RNF121: variants seen among roughly 807,000 people sequenced by gnomAD.
RNF121 encodes the protein E3 ubiquitin ligase RNF121.
A neutral mutation model predicts 46.5 loss-of-function variants in RNF121; 21 were observed. The observed-to-expected ratio is 0.45, with a 90% CI of 0.32 to 0.65. The LOEUF (loss-of-function observed/expected upper bound fraction) is 0.65. Ranked by LOEUF, RNF121 falls within the 30% of genes least tolerant of loss-of-function variation. The pLI is 0.04. For synonymous variants in RNF121, 139 were observed against 144.7 expected, an observed-to-expected ratio of 0.96 and a Z score of 0.28; for missense variants, 346 against 416.0, an observed-to-expected ratio of 0.83 and a Z score of 1.46.
intron 3 of RNF121, among the ~76,000 whole-genome samples, chr11:71,976,917 A>G (rs532760734): frequency 6.6e-6 from 1 of 151,876 alleles, no homozygotes; most frequent in African/African-American, 2.4e-5. Context: ...TTTCATTTTG[A>G]TCTTATTTCT....
At chr11:71,950,240 T>G (rs1953840182) in intron 1 of RNF121, among the ~76,000 whole-genome samples, 1 of 152,080 alleles carries the variant, frequency 6.6e-6, no homozygotes, top group Non-Finnish European at 1.5e-5. Flanking sequence ...GAGGCCATCC[T>G]CTGAGTGATA....
chr11:71,962,852 C>A (rs752135218), intron 3 of RNF121, among the ~76,000 whole-genome samples: 1 of 152,168 alleles, frequency 6.6e-6, no homozygotes, highest in Non-Finnish European at 1.5e-5. Context: ...ACATTCTTAT[C>A]AAGACTTCTT....
At chr11:71,979,387 T>G (rs1565157776) in intron 3 of RNF121, among the ~76,000 whole-genome samples, 1 of 152,236 alleles carries the variant, frequency 6.6e-6, no homozygotes, top group Non-Finnish European at 1.5e-5. Context: ...AATTCCCTTC[T>G]GTCTCCCCTT....
chr11:71,978,128 T>A (rs1590805080), intron 3 of RNF121: 3 of 443,620 alleles, frequency 6.8e-6, no homozygotes. Flanking sequence ...CTCAAGCTCC[T>A]GGGCTCAAGC....
At chr11:71,931,198 G>A (rs1365986090) in intron 1 of RNF121, among the ~76,000 whole-genome samples, 1 of 152,180 alleles carries the variant, frequency 6.6e-6, no homozygotes, top group Admixed American at 6.5e-5. Context: ...TTTATTGCTT[G>A]AAGGACTTGA....
intron 4 of RNF121, 39 bp from the exon 5 acceptor site, chr11:71,986,965 C>G (rs770450092): frequency 1.4e-5 from 17 of 1,177,374 alleles, no homozygotes; most frequent in Middle Eastern, 3.8e-4. Context: ...AGGCCAGAAT[C>G]TCTGTGTCAG....
chr11:71,953,577 T>G (rs1205031354), intron 1 of RNF121, among the ~76,000 whole-genome samples: 2 of 151,836 alleles, frequency 1.3e-5, no homozygotes, highest in Admixed American at 6.6e-5. Flanking sequence ...TTTCTGTTTC[T>G]TAACAAGCTC....
At chr11:71,986,902 C>A in intron 4 of RNF121, 102 bp from the exon 5 acceptor site, 2 of 732,632 alleles carry the variant, frequency 2.7e-6, no homozygotes, top group East Asian at 2.5e-5. Context: ...GAGCAAAGAC[C>A]CTGGTGTCCC....
intron 7 of RNF121, chr11:71,995,227 G>T: frequency 1.7e-6 from 1 of 588,800 alleles, no homozygotes; most frequent in East Asian, 2.8e-5. Flanking sequence ...CTCTGCCTAT[G>T]TTGGGAAAGC....
chr11:71,992,300 CACTT>C (rs1474205759), intron 6 of RNF121, among the ~76,000 whole-genome samples: 1 of 152,224 alleles, frequency 6.6e-6, no homozygotes, highest in Admixed American at 6.5e-5. Context: ...CAGCCACTGT[CACTT>C]ACTGCTTTAC....
intron 2 of RNF121, among the ~76,000 whole-genome samples, chr11:71,959,637 C>CTTTT: frequency 7.2e-6 from 1 of 138,244 alleles, no homozygotes; most frequent in Non-Finnish European, 1.6e-5. Flanking sequence ...CTCTCTTCTT[C>CTTTT]TTTTTTTTTT....
chr11:71,968,293 C>A (rs1198445558), intron 3 of RNF121, among the ~76,000 whole-genome samples: 1 of 152,188 alleles, frequency 6.6e-6, no homozygotes, highest in Non-Finnish European at 1.5e-5. Context: ...CTCTGGACTT[C>A]AAGTGATCAA....
chr11:71,971,981 A>G (rs1194592466), intron 3 of RNF121, among the ~76,000 whole-genome samples: 2 of 152,208 alleles, frequency 1.3e-5, no homozygotes, highest in Non-Finnish European at 2.9e-5. Context: ...GGCAATCTGG[A>G]TATCTATCTC....
chr11:71,948,358 G>T (rs554546290), intron 1 of RNF121, among the ~76,000 whole-genome samples: 347 of 151,602 alleles, frequency 2.3e-3, no homozygotes, highest in Middle Eastern at 6.8e-3. Flanking sequence ...TTTACTAAAC[G>T]TACAAAAATT....
chr11:71,936,686 G>A (rs749502906), intron 1 of RNF121, among the ~76,000 whole-genome samples: 1 of 152,114 alleles, frequency 6.6e-6, no homozygotes, highest in African/African-American at 2.4e-5. Flanking sequence ...GAGCCACTGC[G>A]CCCGGCCTTT....
At chr11:71,964,776 G>C (rs1565151689) in intron 3 of RNF121, among the ~76,000 whole-genome samples, 1 of 152,146 alleles carries the variant, frequency 6.6e-6, no homozygotes, top group Non-Finnish European at 1.5e-5. Context: ...ACCGTGCCTG[G>C]TATTATAAGC....
At chr11:71,941,687 G>T (rs1953571733) in intron 1 of RNF121, among the ~76,000 whole-genome samples, 1 of 152,202 alleles carries the variant, frequency 6.6e-6, no homozygotes, top group South Asian at 2.1e-4. Flanking sequence ...AGTCCTGAAT[G>T]GTGAAGACCT....
chr11:71,929,093 G>A lies in RNF121; in HGVS notation c.32G>A (p.Gly11Asp), dbSNP rs1416281748. 11 of 1,551,682 alleles carry A rather than the reference G, an allele frequency of 7.1e-6. No homozygotes were observed. The Admixed American group carries it at 2.0e-4, about 28-fold the overall frequency. MAAVVEVEVG[G>D]GAAGERELDE... ...GCAGTGGTGGAGGTGGAGGTTGGAGGTGGTGCTGCTGGGGAACGGGAGCTG... is the reference window on the plus strand; with the variant it reads ...GCAGTGGTGGAGGTGGAGGTTGGAGATGGTGCTGCTGGGGAACGGGAGCTG... The change falls in exon 1 of 9, where the codon GGT (glycine) becomes GAT (aspartate). Residue 11 changes from glycine (G) to aspartate (D), a missense_variant. By Grantham distance (94) the Gly-to-Asp change is moderately conservative. Coordinates refer to ENST00000361756, the MANE Select transcript of RNF121 (RefSeq NM_018320.5).
At chr11:71,940,152 C>T (rs1011295024) in intron 1 of RNF121, among the ~76,000 whole-genome samples, 3 of 152,192 alleles carry the variant, frequency 2.0e-5, no homozygotes, top group African/African-American at 7.2e-5. Flanking sequence ...TGATTCCTCA[C>T]TAATGATATA....
Sources: gnomAD v4.1 joint callset for allele counts (sites outside exome capture counted in the v4.1 genomes callset) on GRCh38, gnomAD v4.1.1 for gene constraint, MANE v1.5 for transcripts, NCBI Gene and HGNC (gene_info 2026-07-23, HGNC 2026-07-21) for gene names.